The following VTI1A variants were observed in gnomAD, a reference collection of about 807,000 sequenced individuals.
VTI1A encodes vesicle transport through interaction with t-SNAREs 1A, also known as vesicle transport through interaction with t-SNAREs homolog 1A.
A neutral mutation model predicts 34.9 loss-of-function variants in VTI1A; 22 were observed. The observed-to-expected ratio is 0.63, with a 90% CI of 0.45 to 0.90. The LOEUF (loss-of-function observed/expected upper bound fraction) is 0.90. Ranked by LOEUF, VTI1A falls within the 40% of genes least tolerant of loss-of-function variation. The pLI, the probability that VTI1A is intolerant of heterozygous loss-of-function variation, is 0.00. For synonymous variants in VTI1A, 87 were observed against 97.3 expected, an observed-to-expected ratio of 0.89 and a Z score of 0.62; for missense variants, 268 against 275.6, an observed-to-expected ratio of 0.97 and a Z score of 0.20.
At chr10:112,738,607 A>G (rs1189583270) in intron 7 of VTI1A, among the ~76,000 whole-genome samples, 3 of 152,188 alleles carry the variant, frequency 2.0e-5, no homozygotes, top group African/African-American at 7.2e-5. Context: ...GTTCAGTGTA[A>G]AATTAATCTT....
At chr10:112,551,243 CAAA>C (rs1161935841) in intron 5 of VTI1A, among the ~76,000 whole-genome samples, 22 of 22,066 alleles carry the variant, frequency 1.0e-3, no homozygotes, top group African/African-American at 2.2e-3. Flanking sequence ...TACTCCATCT[CAAA>C]AAAAAAAAAA....
intron 1 of VTI1A, among the ~76,000 whole-genome samples, chr10:112,459,551 A>T (rs1234707987): frequency 6.6e-6 from 1 of 152,180 alleles, no homozygotes; most frequent in Admixed American, 6.5e-5. Flanking sequence ...CAGAGTCTTT[A>T]TGGAGATAGC....
intron 5 of VTI1A, among the ~76,000 whole-genome samples, chr10:112,571,739 G>C (rs914938621): frequency 6.6e-6 from 1 of 151,986 alleles, no homozygotes; most frequent in Non-Finnish European, 1.5e-5. Context: ...ATCAACCCAG[G>C]TGCCCACCAA....
At chr10:112,559,549 A>G (rs1851649850) in intron 5 of VTI1A, among the ~76,000 whole-genome samples, 2 of 152,106 alleles carry the variant, frequency 1.3e-5, no homozygotes, top group South Asian at 4.1e-4. Context: ...TTCAAATGCA[A>G]CAACAGAAAG....
At chr10:112,671,320 C>T (rs978485969) in intron 7 of VTI1A, among the ~76,000 whole-genome samples, 1 of 152,152 alleles carries the variant, frequency 6.6e-6, no homozygotes, top group Admixed American at 6.6e-5. Context: ...TGTCAACAAG[C>T]GTTTCTGATT....
At chr10:112,753,129 G>GT (rs537331444) in intron 7 of VTI1A, among the ~76,000 whole-genome samples, 1 of 152,102 alleles carries the variant, frequency 6.6e-6, no homozygotes. Flanking sequence ...AGGCAATGGT[G>GT]TTATATGAAC....
intron 5 of VTI1A, among the ~76,000 whole-genome samples, chr10:112,575,706 A>C (rs996753538): frequency 6.6e-6 from 1 of 152,244 alleles, no homozygotes; most frequent in African/African-American, 2.4e-5. Context: ...TTTAACTTGA[A>C]GGATGGCACT....
At chr10:112,580,052 T>C (rs1843863503) in intron 5 of VTI1A, among the ~76,000 whole-genome samples, 1 of 152,134 alleles carries the variant, frequency 6.6e-6, no homozygotes, top group Admixed American at 6.5e-5. Context: ...ATTATTTTTT[T>C]TCTTACGTTC....
chr10:112,771,807 T>G (rs1210315848), intron 7 of VTI1A, among the ~76,000 whole-genome samples: 1 of 152,206 alleles, frequency 6.6e-6, no homozygotes, highest in Non-Finnish European at 1.5e-5. Flanking sequence ...GAATATGTGA[T>G]TTTTTTGTGA....
intron 5 of VTI1A, among the ~76,000 whole-genome samples, chr10:112,624,553 T>A (rs1845849739): frequency 6.6e-6 from 1 of 152,146 alleles, no homozygotes; most frequent in Admixed American, 6.5e-5. Context: ...TATGTTTTTT[T>A]TAAAAAAAGT....
chr10:112,454,821 A>C (rs894618399), intron 1 of VTI1A, among the ~76,000 whole-genome samples: 1 of 152,026 alleles, frequency 6.6e-6, no homozygotes, highest in African/African-American at 2.4e-5. Flanking sequence ...ACCCCATTAG[A>C]GTTCCAACTC....
At chr10:112,453,527 AC>A (rs1274774149) in intron 1 of VTI1A, among the ~76,000 whole-genome samples, 1 of 152,132 alleles carries the variant, frequency 6.6e-6, no homozygotes, top group African/African-American at 2.4e-5. Flanking sequence ...ACTCATAGAT[AC>A]CTATTTTATC....
At chr10:112,501,462 T>C (rs1331337196) in intron 3 of VTI1A, among the ~76,000 whole-genome samples, 1 of 152,018 alleles carries the variant, frequency 6.6e-6, no homozygotes, top group African/African-American at 2.4e-5. Flanking sequence ...TTAAAAGATA[T>C]TTACAAAAAA....
At chr10:112,580,734 C>T (rs1843896406) in intron 5 of VTI1A, among the ~76,000 whole-genome samples, 1 of 151,858 alleles carries the variant, frequency 6.6e-6, no homozygotes, top group Admixed American at 6.6e-5. Context: ...ATCAGGGTGA[C>T]AGATAGGAGG....
intron 7 of VTI1A, among the ~76,000 whole-genome samples, chr10:112,684,726 A>G (rs1848343473): frequency 1.3e-5 from 2 of 152,118 alleles, no homozygotes; most frequent in South Asian, 4.2e-4. Flanking sequence ...GGTGTGAGCC[A>G]CCACACCCGG....
intron 7 of VTI1A, among the ~76,000 whole-genome samples, chr10:112,725,722 C>T (rs1293968885): frequency 1.3e-5 from 2 of 152,290 alleles, no homozygotes; most frequent in South Asian, 4.1e-4. Context: ...AGCATAAATG[C>T]CTCTGTTTAT....
intron 5 of VTI1A, among the ~76,000 whole-genome samples, chr10:112,547,467 G>T (rs1315708556): frequency 6.6e-6 from 1 of 151,632 alleles, no homozygotes; most frequent in Non-Finnish European, 1.5e-5. Context: ...AATCCCAGCT[G>T]CTTGGGAGGC....
At chr10:112,830,618 C>T in the VTI1A span, among the ~76,000 whole-genome samples, 1 of 150,658 alleles carries the variant, frequency 6.6e-6, no homozygotes, top group South Asian at 2.1e-4. Flanking sequence ...ATGTGGATCA[C>T]TTAGGCTGTG....
In VTI1A at chr10:112,527,130, T is replaced by A; in HGVS notation, c.308T>A (p.Leu103His). 1 of 1,613,496 alleles carries A rather than the reference T, an allele frequency of 6.2e-7. No homozygotes were observed. The highest frequency in any genetic ancestry group is 8.5e-7 in the Non-Finnish European group (1 of 1,179,690). Residue 103 changes from leucine to histidine, a missense_variant, in exon 4 of 8, where the codon CTC (leucine) becomes CAC (histidine). Leu to His is a moderately conservative substitution (Grantham distance 99). Coordinates refer to ENST00000393077, the MANE Select transcript of VTI1A (RefSeq NM_145206.4). ...IAYSDEVRNE[L>H]LGDDGNSSEN... ...TACAGTGACGAAGTACGGAATGAGCTCCTGGGGGATGATGGGAATTCCTCA... is the reference window on the plus strand; with the variant it reads ...TACAGTGACGAAGTACGGAATGAGCACCTGGGGGATGATGGGAATTCCTCA...
Sources: gnomAD v4.1 joint callset for allele counts (sites outside exome capture counted in the v4.1 genomes callset) on GRCh38, gnomAD v4.1.1 for gene constraint, MANE v1.5 for transcripts, NCBI Gene and HGNC (gene_info 2026-07-23, HGNC 2026-07-21) for gene names.